DPRX: variants seen among roughly 807,000 people sequenced by gnomAD.
The protein encoded by DPRX is divergent paired-related homeobox.
In DPRX, 11 loss-of-function variants were observed where a neutral mutation model predicts 8.4. That is an observed-to-expected ratio of 1.31 (90% confidence interval 0.82 to 2.17). The LOEUF is 2.17. Ranked by LOEUF, DPRX falls within the 30% of genes most tolerant of loss-of-function variation. The pLI, the probability that DPRX is intolerant of heterozygous loss-of-function variation, is 0.00. For synonymous variants in DPRX, 72 were observed against 87.0 expected, an observed-to-expected ratio of 0.83 and a Z score of 0.96; for missense variants, 211 against 236.7, an observed-to-expected ratio of 0.89 and a Z score of 0.71.
upstream of DPRX, among the ~76,000 whole-genome samples, chr19:53,629,364 G>A (rs1292492448): frequency 6.7e-6 from 1 of 149,762 alleles, no homozygotes. Context: ...ATTATACCAT[G>A]AGGATAAACC....
chr19:53,623,778 C>A, the DPRX span, among the ~76,000 whole-genome samples: 3 of 151,922 alleles, frequency 2.0e-5, no homozygotes, highest in Non-Finnish European at 4.4e-5. Context: ...TGGTGAAACC[C>A]CGTCTCTACT....
the DPRX span, among the ~76,000 whole-genome samples, chr19:53,613,985 T>C: frequency 6.6e-6 from 1 of 151,412 alleles, no homozygotes; most frequent in Non-Finnish European, 1.5e-5. Flanking sequence ...AAAGTCTCAC[T>C]CTGTTGCCCA....
upstream of DPRX, among the ~76,000 whole-genome samples, chr19:53,627,535 C>T (rs915659896): frequency 1.0e-4 from 15 of 149,234 alleles, no homozygotes; most frequent in African/African-American, 3.4e-4. Context: ...CTCCCAGGTT[C>T]AAGCAATTCT....
At chr19:53,628,310 T>G (rs1350380792), upstream of DPRX, among the ~76,000 whole-genome samples, 1 of 152,082 alleles carries the variant, frequency 6.6e-6, no homozygotes, top group African/African-American at 2.4e-5. Context: ...ACCACTGTGC[T>G]CTATCCTGAG....
the DPRX span, chr19:53,608,534 G>T: frequency 6.6e-6 from 1 of 152,560 alleles, no homozygotes; most frequent in African/African-American, 2.4e-5. Flanking sequence ...AGGGAATGGG[G>T]AACGACCGCC....
chr19:53,613,684 ACG>A, the DPRX span, among the ~76,000 whole-genome samples: 5 of 151,450 alleles, frequency 3.3e-5, no homozygotes, highest in African/African-American at 1.2e-4. Flanking sequence ...ATAAGAAGTC[ACG>A]CACTAGAAGG....
chr19:53,632,835 C>A (rs1319287676), intron 1 of DPRX, among the ~76,000 whole-genome samples: 2 of 152,170 alleles, frequency 1.3e-5, no homozygotes, highest in East Asian at 3.9e-4. Context: ...TGTCCTAATT[C>A]TTCCCACCCC....
At chr19:53,618,164 GAAAGA>G in the DPRX span, among the ~76,000 whole-genome samples, 4 of 146,594 alleles carry the variant, frequency 2.7e-5, no homozygotes, top group African/African-American at 7.7e-5. Context: ...AAGAAAGAAA[GAAAGA>G]AAAGAAAATA....
At chr19:53,623,034 G>A in the DPRX span, among the ~76,000 whole-genome samples, 1 of 151,998 alleles carries the variant, frequency 6.6e-6, no homozygotes, top group Non-Finnish European at 1.5e-5. Flanking sequence ...GGCCAAGCCC[G>A]GTGGCTCACA....
the DPRX span, among the ~76,000 whole-genome samples, chr19:53,625,299 C>T: frequency 1.8e-4 from 27 of 151,932 alleles, no homozygotes; most frequent in African/African-American, 4.8e-4. Context: ...GCGATCCTCC[C>T]GCCTCGGCCT....
the DPRX span, among the ~76,000 whole-genome samples, chr19:53,601,725 A>G: frequency 1.3e-5 from 2 of 151,708 alleles, no homozygotes; most frequent in South Asian, 2.1e-4. Flanking sequence ...CAAGTGATCC[A>G]CCCGCCTTGG....
chr19:53,627,876 A>C (rs889326311), upstream of DPRX, among the ~76,000 whole-genome samples: 20 of 151,292 alleles, frequency 1.3e-4, no homozygotes, highest in Admixed American at 1.2e-3. Flanking sequence ...CGTGGCAAAT[A>C]CAAAAATTAC....
At chr19:53,610,800 A>G in the DPRX span, among the ~76,000 whole-genome samples, 2 of 152,274 alleles carry the variant, frequency 1.3e-5, no homozygotes, top group African/African-American at 4.8e-5. Context: ...ACCCGGAGAC[A>G]ATTCTTCTTC....
chr19:53,611,571 C>T, the DPRX span, among the ~76,000 whole-genome samples: 7 of 151,938 alleles, frequency 4.6e-5, no homozygotes, highest in East Asian at 3.9e-4. Context: ...GATTGCGGTA[C>T]GATTTCATGC....
chr19:53,627,435 C>CTT (rs759332421), upstream of DPRX, among the ~76,000 whole-genome samples: 30,504 of 101,434 alleles, frequency 0.3, 3,915 homozygotes, highest in Admixed American at 0.4. Flanking sequence ...TTCTTTCTTT[C>CTT]TTTCTTTTTT....
the DPRX span, among the ~76,000 whole-genome samples, chr19:53,614,377 G>A: frequency 6.6e-6 from 1 of 152,084 alleles, no homozygotes; most frequent in Non-Finnish European, 1.5e-5. Context: ...TCTTACCACT[G>A]CACTCCAGCC....
chr19:53,604,482 A>T, the DPRX span: 2 of 152,666 alleles, frequency 1.3e-5, no homozygotes, highest in Admixed American at 6.6e-5. Flanking sequence ...AGGTCACTGA[A>T]CTCAAACAGG....
At chr19:53,628,435 G>C (rs1215206653), upstream of DPRX, among the ~76,000 whole-genome samples, 2 of 152,156 alleles carry the variant, frequency 1.3e-5, no homozygotes, top group Non-Finnish European at 2.9e-5. Context: ...TTGTAGCTCT[G>C]ATAAGTGAAC....
At chr19:53,607,674 A>C in the DPRX span, among the ~76,000 whole-genome samples, 1 of 147,086 alleles carries the variant, frequency 6.8e-6, no homozygotes, top group South Asian at 2.3e-4. Flanking sequence ...CAACATGGTG[A>C]AACCCCGTCT....
Sources: gnomAD v4.1 joint callset for allele counts (sites outside exome capture counted in the v4.1 genomes callset) on GRCh38, gnomAD v4.1.1 for gene constraint, MANE v1.5 for transcripts, NCBI Gene and HGNC (gene_info 2026-07-23, HGNC 2026-07-21) for gene names.